Variants in ADAMTS19 observed in about 807,000 individuals in gnomAD.
The protein encoded by ADAMTS19 is ADAM metallopeptidase with thrombospondin type 1 motif 19.
Under a neutral mutation model 153.3 loss-of-function variants are expected in ADAMTS19, and 93 were observed. That is an observed-to-expected ratio of 0.61 (90% CI 0.51 to 0.72). The LOEUF (loss-of-function observed/expected upper bound fraction) is 0.72. Ranked by LOEUF, ADAMTS19 falls within the 30% of genes least tolerant of loss-of-function variation. ADAMTS19 has a pLI of 0.00. For missense variants in ADAMTS19, 1,482 were observed against 1,552.1 expected (o/e 0.95, Z 0.76); for synonymous variants, 600 against 556.6 (o/e 1.08, Z -1.10).
intron 2 of ADAMTS19, among the ~76,000 whole-genome samples, chr5:129,478,270 T>C (rs1163261320): frequency 1.3e-5 from 2 of 152,196 alleles, no homozygotes. Context: ...TTGTCATTAA[T>C]AAAATAATAA....
rs1051549586 is a variant in ADAMTS19, at chr5:129,564,108, A to G, written c.1372+12201A>G. Reference sequence around the variant, plus strand: ...CTAATTTTTTGTATTTTTAGTAGAGACAGCGTTCCAGGTGAAACTCTTAAA... The same window carrying G: ...CTAATTTTTTGTATTTTTAGTAGAGGCAGCGTTCCAGGTGAAACTCTTAAA... On this transcript the variant is annotated intron_variant, in intron 7 of 22. Coordinates refer to ENST00000274487, the MANE Select transcript of ADAMTS19 (RefSeq NM_133638.6). Among the ~76,000 whole-genome samples, 5 of 152,080 alleles carry G rather than the reference A, an allele frequency of 3.3e-5. No homozygotes were observed. The South Asian group carries it at 6.2e-4, about 19-fold the overall frequency.
intron 18 of ADAMTS19, among the ~76,000 whole-genome samples, chr5:129,687,636 G>T (rs925225553): frequency 1.3e-5 from 2 of 152,094 alleles, no homozygotes; most frequent in African/African-American, 4.8e-5. Context: ...TGAGAAAATT[G>T]AAGGGCTTAG....
chr5:129,598,109 T>G (rs1750469755), intron 8 of ADAMTS19, among the ~76,000 whole-genome samples: 1 of 152,130 alleles, frequency 6.6e-6, no homozygotes, highest in African/African-American at 2.4e-5. Flanking sequence ...TAGTTTGGCC[T>G]TCAGTGTTTA....
intron 3 of ADAMTS19, among the ~76,000 whole-genome samples, chr5:129,520,983 T>C (rs1187580275): frequency 6.6e-6 from 1 of 152,148 alleles, no homozygotes; most frequent in Non-Finnish European, 1.5e-5. Flanking sequence ...ACTGTAGTGA[T>C]ATATTTTATA....
chr5:129,635,746 G>C (rs946714596), intron 10 of ADAMTS19, among the ~76,000 whole-genome samples: 13 of 152,126 alleles, frequency 8.5e-5, no homozygotes, highest in African/African-American at 3.1e-4. Flanking sequence ...GAAGGTGGAG[G>C]CTGGGAGGAG....
intron 19 of ADAMTS19, among the ~76,000 whole-genome samples, chr5:129,699,007 A>G (rs1185947580): frequency 6.6e-6 from 1 of 152,226 alleles, no homozygotes. Context: ...GAGATTTACT[A>G]GGCTGTAAGA....
At chr5:129,696,326 A>G (rs1030822680) in intron 19 of ADAMTS19, among the ~76,000 whole-genome samples, 1 of 152,184 alleles carries the variant, frequency 6.6e-6, no homozygotes, top group Non-Finnish European at 1.5e-5. Context: ...CTGAGGCAGG[A>G]GAATCACTTG....
chr5:129,682,545 T>C (rs1382180836), intron 17 of ADAMTS19, among the ~76,000 whole-genome samples: 1 of 152,230 alleles, frequency 6.6e-6, no homozygotes, highest in East Asian at 1.9e-4. Context: ...ATTAAATAAG[T>C]TGACAAATAG....
chr5:129,528,783 C>T (rs1425167868), intron 6 of ADAMTS19, 106 bp downstream of exon 6: 2 of 940,962 alleles, frequency 2.1e-6, no homozygotes, highest in African/African-American at 1.8e-5. Flanking sequence ...TTTCGTGTTT[C>T]AAGAGTGATT....
At chr5:129,657,003 A>G (rs1339723264) in intron 14 of ADAMTS19, among the ~76,000 whole-genome samples, 1 of 152,160 alleles carries the variant, frequency 6.6e-6, no homozygotes, top group Non-Finnish European at 1.5e-5. Flanking sequence ...TTTTCTTCTC[A>G]ATCCAGGACT....
intron 7 of ADAMTS19, among the ~76,000 whole-genome samples, chr5:129,553,168 G>T (rs1474812392): frequency 6.6e-6 from 1 of 152,034 alleles, no homozygotes. Context: ...AAGCAGCAAT[G>T]TTGCCCCCAA....
rs759968558 is a variant in ADAMTS19 at position 129,694,779 on chromosome 5, G to A, written c.2878G>A (p.Asp960Asn). 2.7e-5 allele frequency: 44 copies of A among 1,610,084 alleles called. No individual in the cohort carries two copies. The highest frequency in any genetic ancestry group is 3.6e-5 in the Non-Finnish European group (42 of 1,177,962). Residue 960 changes from aspartate to asparagine, a missense_variant, in exon 19 of 23, where the codon GAC becomes AAC. Coordinates refer to ENST00000274487, the MANE Select transcript of ADAMTS19 (RefSeq NM_133638.6). ...CATGAGCAAAAATATCAGCATTGTGGACAATGAGAAATGCAAATACTTAAC... is the reference window on the plus strand; with the variant it reads ...CATGAGCAAAAATATCAGCATTGTGAACAATGAGAAATGCAAATACTTAAC... ...KIMSKNISIVDNEKCKYLTKP... is the reference protein window; with the variant it reads ...KIMSKNISIVNNEKCKYLTKP...
At chr5:129,702,939 A>ATAT (rs1256800089) in intron 20 of ADAMTS19, among the ~76,000 whole-genome samples, 1 of 14,224 alleles carries the variant, frequency 7.0e-5, no homozygotes, top group African/African-American at 1.7e-4. Flanking sequence ...CAAAAAAAAA[A>ATAT]AAATATATAT....
intron 16 of ADAMTS19, among the ~76,000 whole-genome samples, chr5:129,667,131 C>G (rs1242950244): frequency 6.6e-6 from 1 of 152,072 alleles, no homozygotes; most frequent in Non-Finnish European, 1.5e-5. Context: ...TGTTACTTGA[C>G]CTGTAAGCAG....
chr5:129,484,599 T>G (rs924503896), intron 2 of ADAMTS19, among the ~76,000 whole-genome samples: 3 of 152,172 alleles, frequency 2.0e-5, no homozygotes, highest in African/African-American at 7.2e-5. Context: ...TAGCCTACGG[T>G]TTAAACTGCA....
intron 6 of ADAMTS19, among the ~76,000 whole-genome samples, chr5:129,538,945 C>A (rs529869260): frequency 6.6e-6 from 1 of 151,904 alleles, no homozygotes; most frequent in Non-Finnish European, 1.5e-5. Flanking sequence ...TAACTTTTAC[C>A]AACTTCTACT....
intron 7 of ADAMTS19, among the ~76,000 whole-genome samples, chr5:129,593,948 T>G (rs1750259996): frequency 6.6e-6 from 1 of 152,172 alleles, no homozygotes; most frequent in Non-Finnish European, 1.5e-5. Flanking sequence ...CATTCACCTT[T>G]GACCTATATA....
At chr5:129,633,942 T>G (rs1752420186) in intron 10 of ADAMTS19, among the ~76,000 whole-genome samples, 1 of 152,090 alleles carries the variant, frequency 6.6e-6, no homozygotes, top group Admixed American at 6.6e-5. Context: ...GTCTATAAGA[T>G]GATATGTTTT....
Position 129,672,712 on chromosome 5 carries a change from A to C in ADAMTS19, c.2507-7052A>C, listed in dbSNP as rs1754359920. Among the ~76,000 whole-genome samples the C allele has an allele frequency of 3.9e-5, 6 of 152,204 alleles. No individual in the cohort carries two copies. In the South Asian group the frequency reaches 1.2e-3, roughly 32 times the overall value. On this transcript the variant is annotated intron_variant, in intron 16 of 22. Transcript: ENST00000274487. The stretch of plus-strand genomic sequence containing the variant: ...AATTTATAAGGCAAATCAAACCCTC[A>C]TATGGGTTTGCAGCACCAATTTACC...
Sources: allele counts gnomAD v4.1 joint callset (sites outside exome capture counted in the v4.1 genomes callset), GRCh38; gene constraint gnomAD v4.1.1; transcripts MANE v1.5; gene names NCBI Gene and HGNC (gene_info 2026-07-23, HGNC 2026-07-21).